The following ATXN1 variants were observed in gnomAD, a reference collection of about 807,000 sequenced individuals.
The protein encoded by ATXN1 is ataxin 1.
Under a neutral mutation model 56.4 loss-of-function variants are expected in ATXN1, and 8 were observed. The ratio of observed to expected loss-of-function variants is 0.14; its 90% CI spans 0.08 to 0.26. The LOEUF is 0.26. ATXN1 is among the 10% of genes least tolerant of loss of function. The pLI, the probability that ATXN1 is intolerant of heterozygous loss-of-function variation, is 1.00. For missense variants in ATXN1, 987 were observed against 1,106.5 expected (o/e 0.89, Z 1.53); for synonymous variants, 514 against 494.6 (o/e 1.04, Z -0.52).
intron 3 of ATXN1, among the ~76,000 whole-genome samples, chr6:16,632,792 T>C (rs1763528555): frequency 6.6e-6 from 1 of 152,172 alleles, no homozygotes; most frequent in African/African-American, 2.4e-5. Context: ...CAGAGGTGAA[T>C]GGATCACCTG....
chr6:16,507,503 G>T (rs1761002325), intron 5 of ATXN1, among the ~76,000 whole-genome samples: 1 of 152,146 alleles, frequency 6.6e-6, no homozygotes, highest in African/African-American at 2.4e-5. Flanking sequence ...TTCCTGTATA[G>T]AAGCTCTTTC....
intron 3 of ATXN1, among the ~76,000 whole-genome samples, chr6:16,601,524 G>A (rs1762910809): frequency 6.6e-6 from 1 of 152,078 alleles, no homozygotes; most frequent in South Asian, 2.1e-4. Flanking sequence ...TTTCTAACAG[G>A]ATGCAATCTG....
At chr6:16,345,595 C>T (rs1400290527) in intron 6 of ATXN1, among the ~76,000 whole-genome samples, 2 of 152,310 alleles carry the variant, frequency 1.3e-5, no homozygotes, top group East Asian at 1.9e-4. Context: ...GGGTGGCTGA[C>T]TTCTGACCCT....
Position 16,705,738 on chromosome 6 carries a change from T to C in ATXN1, c.-615+47495A>G, listed in dbSNP as rs143852387. On this transcript the variant is annotated intron_variant, in intron 2 of 7. Transcript: ENST00000436367. ...GCAGAAGCCGCAGCACACAGACCTG[T>C]GATTAGCATGAAGCAGGTGCTCTGT... is the stretch of plus-strand genomic sequence containing the variant. Among the ~76,000 whole-genome samples the C allele has an allele frequency of 1.5e-3, 224 of 152,270 alleles. 2 individuals carry two copies. The highest frequency in any genetic ancestry group is 5.0e-3 in the African/African-American group (209 of 41,556).
At chr6:16,649,051 C>T (rs1340669177) in intron 3 of ATXN1, among the ~76,000 whole-genome samples, 1 of 151,938 alleles carries the variant, frequency 6.6e-6, no homozygotes, top group African/African-American at 2.4e-5. Flanking sequence ...GAGCAGCGTG[C>T]CTCACACACT....
chr6:16,544,759 T>C (rs1241667126), intron 4 of ATXN1, among the ~76,000 whole-genome samples: 2 of 152,094 alleles, frequency 1.3e-5, no homozygotes, highest in African/African-American at 2.4e-5. Context: ...GAGATCCTAA[T>C]AAGGGAGGAT....
intron 5 of ATXN1, among the ~76,000 whole-genome samples, chr6:16,514,534 G>T (rs1478619123): frequency 6.6e-6 from 1 of 152,156 alleles, no homozygotes; most frequent in Non-Finnish European, 1.5e-5. Context: ...CCAGGATGGA[G>T]ATGAAATTTC....
chr6:16,620,322 T>A (rs930112379), intron 3 of ATXN1, among the ~76,000 whole-genome samples: 9 of 149,798 alleles, frequency 6.0e-5, no homozygotes, highest in African/African-American at 2.0e-4. Context: ...ATATTTAACA[T>A]AACTATAATT....
intron 2 of ATXN1, among the ~76,000 whole-genome samples, chr6:16,675,687 T>C (rs984818647): frequency 4.0e-5 from 6 of 151,862 alleles, no homozygotes; most frequent in African/African-American, 9.7e-5. Context: ...TCAAGACCAG[T>C]CTGACTGACA....
chr6:16,432,713 C>CTTTTTTTTTT (rs538208868), intron 6 of ATXN1: 5 of 143,776 alleles, frequency 3.5e-5, no homozygotes, highest in African/African-American at 1.3e-4. Context: ...TCTTCTTCTT[C>CTTTTTTTTTT]TTTTTTTTTT....
At chr6:16,739,368 G>A (rs749070715) in intron 2 of ATXN1, 3 of 154,760 alleles carry the variant, frequency 1.9e-5, no homozygotes, top group Non-Finnish European at 4.3e-5. Flanking sequence ...AATCACTTGA[G>A]TATTTAAAAG....
chr6:16,588,894 GCA>G (rs757755272), intron 3 of ATXN1, among the ~76,000 whole-genome samples: 1 of 152,146 alleles, frequency 6.6e-6, no homozygotes, highest in African/African-American at 2.4e-5. Flanking sequence ...TCGTTTTCCA[GCA>G]CACAGAGTAT....
chr6:16,662,996 G>A (rs1311816996), intron 2 of ATXN1, among the ~76,000 whole-genome samples: 2 of 143,790 alleles, frequency 1.4e-5, no homozygotes, highest in Non-Finnish European at 3.0e-5. Context: ...TTTTGAAATG[G>A]AGTTTTGCTC....
intron 5 of ATXN1, among the ~76,000 whole-genome samples, chr6:16,503,286 G>A (rs370359760): frequency 2.0e-5 from 3 of 152,262 alleles, no homozygotes; most frequent in East Asian, 3.9e-4. Flanking sequence ...TGGAGAATGT[G>A]GTCTGACCTC....
chr6:16,311,345 G>A (rs999939607), intron 7 of ATXN1, among the ~76,000 whole-genome samples: 12 of 152,028 alleles, frequency 7.9e-5, no homozygotes, highest in Admixed American at 2.0e-4. Flanking sequence ...TTTTTTCTGT[G>A]CCTCCTGACC....
chr6:16,456,236 C>T (rs749291870), intron 6 of ATXN1, among the ~76,000 whole-genome samples: 7 of 152,206 alleles, frequency 4.6e-5, no homozygotes, highest in Non-Finnish European at 8.8e-5. Context: ...CCGGCTGGAA[C>T]CAACTCTGGA....
At chr6:16,420,029 T>C (rs1277986817) in intron 6 of ATXN1, among the ~76,000 whole-genome samples, 1 of 152,176 alleles carries the variant, frequency 6.6e-6, no homozygotes, top group Admixed American at 6.5e-5. Flanking sequence ...TAATCTTTTA[T>C]ACAAGGACAC....
intron 7 of ATXN1, among the ~76,000 whole-genome samples, chr6:16,314,900 C>T (rs1175393400): frequency 2.0e-5 from 3 of 152,176 alleles, no homozygotes; most frequent in East Asian, 1.9e-4. Context: ...TGTGAGCCAC[C>T]GTGCCCGGCC....
intron 7 of ATXN1, among the ~76,000 whole-genome samples, chr6:16,322,960 T>G (rs2113401703): frequency 6.6e-6 from 1 of 152,326 alleles, no homozygotes; most frequent in African/African-American, 2.4e-5. Context: ...ACACTTGCCT[T>G]TCTTTGAGGA....
Sources: gnomAD v4.1 joint callset for allele counts (sites outside exome capture counted in the v4.1 genomes callset) on GRCh38, gnomAD v4.1.1 for gene constraint, MANE v1.5 for transcripts, NCBI Gene and HGNC (gene_info 2026-07-23, HGNC 2026-07-21) for gene names.